MAP7: variants seen among roughly 807,000 people sequenced by gnomAD.
MAP7 encodes microtubule associated protein 7.
MAP7 carries 52 observed loss-of-function variants against 94.8 expected under a neutral mutation model. The ratio of observed to expected loss-of-function variants is 0.55; its 90% CI spans 0.44 to 0.69. The LOEUF is 0.69. MAP7 is among the 30% of genes least tolerant of loss of function. The pLI, the probability that MAP7 is intolerant of heterozygous loss-of-function variation, is 0.00. For synonymous variants in MAP7, 350 were observed against 357.0 expected (o/e 0.98, Z 0.22); for missense variants, 940 against 964.6 (o/e 0.97, Z 0.34).
Position 136,352,101 on chromosome 6 carries a change from G to T in MAP7, c.2015+4591C>A, listed in dbSNP as rs73779633. On this transcript the variant is annotated intron_variant, in intron 16 of 17. Transcript: ENST00000354570. ...CAAACAGTTATATCCTCTCTAACAAGGTCTGGATTACAGACCTGCAGGGTA... is the reference window on the plus strand; with the variant it reads ...CAAACAGTTATATCCTCTCTAACAATGTCTGGATTACAGACCTGCAGGGTA... Among the ~76,000 whole-genome samples the T allele has an allele frequency of 3.4e-3, 517 of 152,118 alleles. 6 individuals carry two copies. Among genetic ancestry groups the T allele is most frequent in the African/African-American group, 0.012 (496 of 41,488 alleles).
At chr6:136,520,317 G>A (rs1044091487) in intron 1 of MAP7, among the ~76,000 whole-genome samples, 4 of 151,992 alleles carry the variant, frequency 2.6e-5, no homozygotes, top group Non-Finnish European at 4.4e-5. Context: ...TATGATTAAT[G>A]TATCAAACAC....
chr6:136,421,657 A>C, intron 2 of MAP7, 44 bp downstream of exon 2: 1 of 1,538,420 alleles, frequency 6.5e-7, no homozygotes, highest in Non-Finnish European at 9.0e-7. Flanking sequence ...TTAGGGCATA[A>C]AAGATAACCT....
chr6:136,488,571 A>G (rs1267751839), intron 1 of MAP7, among the ~76,000 whole-genome samples: 1 of 151,114 alleles, frequency 6.6e-6, no homozygotes, highest in African/African-American at 2.4e-5. Context: ...CAGCCTCCCG[A>G]GTAGCTGGGA....
chr6:136,426,421 A>G (rs1793152985), intron 1 of MAP7, among the ~76,000 whole-genome samples: 1 of 152,236 alleles, frequency 6.6e-6, no homozygotes, highest in Admixed American at 6.5e-5. Flanking sequence ...TTTGGAGGAG[A>G]GACAGTGTGC....
chr6:136,466,954 T>G, intron 1 of MAP7: 1 of 1,334,950 alleles, frequency 7.5e-7, no homozygotes, highest in South Asian at 2.1e-5. Context: ...CAAAGGGTGG[T>G]GAGACATACA....
At chr6:136,425,786 A>G (rs1490803629) in intron 1 of MAP7, among the ~76,000 whole-genome samples, 1 of 152,232 alleles carries the variant, frequency 6.6e-6, no homozygotes, top group African/African-American at 2.4e-5. Flanking sequence ...CCTCATAATT[A>G]TAAGTGAAGT....
chr6:136,496,945 C>T (rs1189505015), intron 1 of MAP7, among the ~76,000 whole-genome samples: 2 of 151,538 alleles, frequency 1.3e-5, no homozygotes, highest in Non-Finnish European at 2.9e-5. Flanking sequence ...CAGGGCGAGA[C>T]TCCATCTCAA....
chr6:136,488,366 T>C (rs1815434190), intron 1 of MAP7, among the ~76,000 whole-genome samples: 2 of 152,108 alleles, frequency 1.3e-5, no homozygotes. Flanking sequence ...TCTACTTTTG[T>C]TTATAAAAGA....
chr6:136,453,749 G>C (rs1437628699), intron 1 of MAP7, among the ~76,000 whole-genome samples: 5 of 152,164 alleles, frequency 3.3e-5, no homozygotes, highest in Admixed American at 6.5e-5. Context: ...ATAAAATATT[G>C]ATTTAATTTG....
chr6:136,463,070 G>A (rs1582988589), intron 1 of MAP7, among the ~76,000 whole-genome samples: 1 of 151,306 alleles, frequency 6.6e-6, no homozygotes, highest in Non-Finnish European at 1.5e-5. Context: ...GAAAATCAAA[G>A]AATCATTTTC....
intron 2 of MAP7, among the ~76,000 whole-genome samples, chr6:136,416,006 C>A (rs536165512): frequency 3.3e-4 from 50 of 152,162 alleles, no homozygotes; most frequent in African/African-American, 1.2e-3. Context: ...TGTTTCTATC[C>A]CTCTGTTCCC....
intron 1 of MAP7, among the ~76,000 whole-genome samples, chr6:136,440,235 A>G (rs564236699): frequency 6.6e-5 from 10 of 152,256 alleles, no homozygotes; most frequent in Non-Finnish European, 1.2e-4. Flanking sequence ...TTAATAATAC[A>G]AAGATAATCA....
At chr6:136,453,918 A>G (rs1801954877) in intron 1 of MAP7, among the ~76,000 whole-genome samples, 1 of 152,234 alleles carries the variant, frequency 6.6e-6, no homozygotes, top group Non-Finnish European at 1.5e-5. Flanking sequence ...TTAATTTTAA[A>G]TCTAAGTGTT....
intron 1 of MAP7, among the ~76,000 whole-genome samples, chr6:136,497,011 C>T (rs550501285): frequency 5.3e-5 from 8 of 151,728 alleles, no homozygotes; most frequent in Non-Finnish European, 1.2e-4. Context: ...TAACCTATAA[C>T]GTAAAGTACT....
intron 1 of MAP7, among the ~76,000 whole-genome samples, chr6:136,506,753 A>G (rs559144362): frequency 6.6e-6 from 1 of 152,236 alleles, no homozygotes; most frequent in Non-Finnish European, 1.5e-5. Flanking sequence ...ACTTCGTTCT[A>G]TATTTGAGTC....
chr6:136,403,750 G>A (rs1283810724), intron 3 of MAP7, among the ~76,000 whole-genome samples: 1 of 152,198 alleles, frequency 6.6e-6, no homozygotes, highest in African/African-American at 2.4e-5. Context: ...CTCATTTTAT[G>A]TTCAGGCTTC....
At position 136,500,612 on chromosome 6, in the gene MAP7, G is replaced by A. The variant is rs112753935; in HGVS notation, c.67+49730C>T. On this transcript the variant is annotated intron_variant, in intron 1 of 17. Transcript: ENST00000354570. Reference sequence around the variant, plus strand: ...GTCCTCTAAACGTAGGAATGCTGACGTAGCAAAGTGTTGTACTTGTGGTTA... The same window carrying A: ...GTCCTCTAAACGTAGGAATGCTGACATAGCAAAGTGTTGTACTTGTGGTTA... Among the ~76,000 whole-genome samples, 60 of 152,326 alleles carry A rather than the reference G, an allele frequency of 3.9e-4. 1 individual carries two copies. Among genetic ancestry groups the A allele is most frequent in the African/African-American group, 1.3e-3 (54 of 41,578 alleles).
intron 1 of MAP7, among the ~76,000 whole-genome samples, chr6:136,512,574 C>T (rs1248563707): frequency 1.3e-5 from 2 of 152,182 alleles, no homozygotes; most frequent in Non-Finnish European, 2.9e-5. Context: ...AAGCAAGTCA[C>T]ACACATTTTT....
chr6:136,531,009 G>T (rs1245827724), intron 1 of MAP7, among the ~76,000 whole-genome samples: 1 of 144,704 alleles, frequency 6.9e-6, no homozygotes, highest in Non-Finnish European at 1.5e-5. Flanking sequence ...CAAATGTAAG[G>T]TGTGGATACT....
Sources: gnomAD v4.1 joint callset for allele counts (sites outside exome capture counted in the v4.1 genomes callset) on GRCh38, gnomAD v4.1.1 for gene constraint, MANE v1.5 for transcripts, NCBI Gene and HGNC (gene_info 2026-07-23, HGNC 2026-07-21) for gene names.